The following TJP1 variants were observed in gnomAD, a reference collection of about 807,000 sequenced individuals.
TJP1 encodes tight junction protein ZO-1.
Under a neutral mutation model 194.2 loss-of-function variants are expected in TJP1, and 43 were observed. The observed-to-expected ratio is 0.22, with a 90% CI of 0.17 to 0.29. The LOEUF (loss-of-function observed/expected upper bound fraction) is 0.29. Ranked by LOEUF, TJP1 falls within the 10% of genes least tolerant of loss-of-function variation. TJP1 has a pLI of 1.00. For missense variants in TJP1, 1,971 were observed against 2,185.7 expected (o/e 0.90, Z 1.96); for synonymous variants, 801 against 779.0 (o/e 1.03, Z -0.47).
chr15:29,722,268 G>A (rs1293143194), intron 18 of TJP1, among the ~76,000 whole-genome samples: 1 of 152,182 alleles, frequency 6.6e-6, no homozygotes, highest in African/African-American at 2.4e-5. Flanking sequence ...AGGCCTAGGA[G>A]GGAAAAAATG....
intron 1 of TJP1, among the ~76,000 whole-genome samples, chr15:29,802,517 T>C (rs1268472935): frequency 1.3e-5 from 2 of 150,918 alleles, no homozygotes; most frequent in African/African-American, 4.9e-5. Flanking sequence ...AATCTTCCAA[T>C]GAAGTGCACC....
rs367750931 is a variant in TJP1, at chr15:29,953,181, G to A, written c.306+3051C>T. ...TTTTGCAACGGAGTCTCGCTCTGTC[G>A]TCCAGACTGGAGTGCGGTGGCACCA... On this transcript the variant is annotated intron_variant, in intron 2 of 28. Coordinates refer to the TJP1 transcript ENST00000356107. 7.2e-5 allele frequency among the ~76,000 whole-genome samples: 9 copies of A among 124,224 alleles called. No individual in the cohort carries two copies. The South Asian group carries it at 1.3e-3, about 17-fold the overall frequency. 81.5% of individuals were successfully genotyped at this position (124,224 alleles called of 152,430 possible). A position where few individuals can be genotyped will look rare whatever the true frequency, so the allele number is the denominator to read the frequency against.
At chr15:29,739,832 G>A (rs2151322831) in intron 10 of TJP1, among the ~76,000 whole-genome samples, 1 of 152,196 alleles carries the variant, frequency 6.6e-6, no homozygotes, top group East Asian at 1.9e-4. Context: ...AAAAGAAGGG[G>A]ACTATCTATG....
At chr15:29,878,502 T>C (rs930741881) in intron 2 of TJP1, among the ~76,000 whole-genome samples, 4 of 152,210 alleles carry the variant, frequency 2.6e-5, no homozygotes, top group Non-Finnish European at 5.9e-5. Flanking sequence ...CTCATTTTTA[T>C]GTCAGATCAT....
At chr15:29,753,068 C>T (rs1178706382) in intron 8 of TJP1, among the ~76,000 whole-genome samples, 1 of 152,190 alleles carries the variant, frequency 6.6e-6, no homozygotes, top group Non-Finnish European at 1.5e-5. Context: ...TATTACACTA[C>T]CCTGATTCTC....
intron 2 of TJP1, among the ~76,000 whole-genome samples, chr15:29,796,226 G>C (rs1463829084): frequency 6.6e-6 from 1 of 150,904 alleles, no homozygotes; most frequent in African/African-American, 2.4e-5. Flanking sequence ...CAAAAGGAGG[G>C]AAAAAAACTG....
upstream of TJP1, among the ~76,000 whole-genome samples, chr15:29,826,936 G>A (rs1375923965): frequency 6.6e-6 from 1 of 152,138 alleles, no homozygotes; most frequent in Non-Finnish European, 1.5e-5. Context: ...TGCTCTCACA[G>A]GGTCCTGTCG....
rs374164533 is a variant in TJP1 at position 29,708,799 on chromosome 15, C to T, written c.4610G>A (p.Arg1537Gln). 6.8e-6 allele frequency: 11 copies of T among 1,614,030 alleles called. No individual in the cohort carries two copies. The highest frequency in any genetic ancestry group is 5.3e-5 in the African/African-American group (4 of 74,912). The change falls in exon 25 of 28, where the codon CGA becomes CAA. Residue 1537 changes from arginine (R) to glutamine (Q), a missense_variant. Arg to Gln is a conservative substitution (Grantham distance 43, BLOSUM62 1). This residue lies in a region of TJP1 where 1,108 missense variants were observed against 1,128.5 expected (regional missense o/e 0.98). Coordinates refer to ENST00000614355, the MANE Select transcript of TJP1 (RefSeq NM_001330239.4). ...ACTTTCAAACTTGCGTTCAAATGGT[C>T]GGGCAGAACTTGTATATGGTTTTGG... ...FTPKPYTSSA[R>Q]PFERKFESPK...
intron 2 of TJP1, among the ~76,000 whole-genome samples, chr15:29,779,821 T>C (rs1319626571): frequency 6.6e-6 from 1 of 152,102 alleles, no homozygotes; most frequent in East Asian, 1.9e-4. Context: ...AGAATCCAAG[T>C]GCAACATTTA....
chr15:29,726,293 T>C, intron 18 of TJP1, 86 bp downstream of exon 18: 2 of 1,147,916 alleles, frequency 1.7e-6, no homozygotes, highest in Non-Finnish European at 2.6e-6. Flanking sequence ...GTTGATCTAA[T>C]TAGAAAGCAC....
chr15:29,714,537 CT>C (rs58378713), intron 23 of TJP1, among the ~76,000 whole-genome samples: 1,336 of 88,964 alleles, frequency 0.015, 12 homozygotes, highest in African/African-American at 0.059. Flanking sequence ...TGCGCCCAGC[CT>C]TTTTTTTTTT....
At chr15:29,880,574 AC>A (rs1243596130) in intron 2 of TJP1, among the ~76,000 whole-genome samples, 1 of 152,154 alleles carries the variant, frequency 6.6e-6, no homozygotes, top group Non-Finnish European at 1.5e-5. Flanking sequence ...AAACTTTCAT[AC>A]CCACTGAACA....
At chr15:29,926,222 T>C (rs990203450) in intron 2 of TJP1, among the ~76,000 whole-genome samples, 2 of 152,264 alleles carry the variant, frequency 1.3e-5, no homozygotes, top group African/African-American at 4.8e-5. Context: ...AGCTGATATT[T>C]TTTTAAAAGA....
chr15:29,735,216 A>G (rs974769895), intron 11 of TJP1, among the ~76,000 whole-genome samples: 19 of 144,206 alleles, frequency 1.3e-4, no homozygotes, highest in Non-Finnish European at 2.3e-4. Flanking sequence ...ATTAAAAAAG[A>G]AAAAAAAAAA....
At position 29,933,161 on chromosome 15, in the gene TJP1, CACA is replaced by C. The variant is rs1284251169; in HGVS notation, c.306+23068_306+23070del. Among the ~76,000 whole-genome samples, 5 of 152,128 alleles carry C rather than the reference CACA, an allele frequency of 3.3e-5. No homozygotes were observed. In the South Asian group the frequency reaches 1.0e-3, roughly 32 times the overall value. On this transcript the variant is annotated intron_variant, in intron 2 of 28. Transcript: ENST00000356107. ...ATTAATAAATACATATACATAGATGCACAACAAGCTGGGTCCAAAGTGAGGGTG... is the reference window on the plus strand; with the variant it reads ...ATTAATAAATACATATACATAGATGCACAAGCTGGGTCCAAAGTGAGGGTG...
chr15:29,927,571 C>T (rs1267046481), intron 2 of TJP1, among the ~76,000 whole-genome samples: 6 of 152,012 alleles, frequency 3.9e-5, no homozygotes. Context: ...ATTAACTCCC[C>T]CTCTGAACAC....
chr15:29,790,745 A>AT (rs2048021176), intron 2 of TJP1, among the ~76,000 whole-genome samples: 1 of 133,816 alleles, frequency 7.5e-6, no homozygotes, highest in African/African-American at 2.8e-5. Context: ...CCGTGAGTTC[A>AT]TTTTTCTTTT....
rs569145158 is a variant in TJP1, at chr15:29,767,191, T to C, written c.313-649A>G. Among the ~76,000 whole-genome samples the C allele has an allele frequency of 6.6e-5, 10 of 152,326 alleles. No homozygotes were observed. In the South Asian group the frequency reaches 1.7e-3, roughly 25 times the overall value. ...AATGATTCTGGTAACTGGCTCTGTA[T>C]TGCCTGTCCACTTATTTCCTTCATT... On this transcript the variant is annotated intron_variant, in intron 4 of 27. Coordinates refer to ENST00000614355, the MANE Select transcript of TJP1 (RefSeq NM_001330239.4).
chr15:29,904,773 T>C (rs2053752331), intron 2 of TJP1, among the ~76,000 whole-genome samples: 1 of 152,114 alleles, frequency 6.6e-6, no homozygotes, highest in South Asian at 2.1e-4. Flanking sequence ...ATGTAATTAG[T>C]TAAGATGGGG....
Sources: allele counts gnomAD v4.1 joint callset (sites outside exome capture counted in the v4.1 genomes callset), GRCh38; gene constraint gnomAD v4.1.1; regional missense constraint gnomAD v4.1.1; transcripts MANE v1.5; gene names NCBI Gene and HGNC (gene_info 2026-07-23, HGNC 2026-07-21).